The following ADAM23 variants were observed in gnomAD, a reference collection of about 807,000 sequenced individuals.
ADAM23 encodes the protein ADAM metallopeptidase domain 23.
ADAM23 carries 33 observed loss-of-function variants against 120.1 expected under a neutral mutation model. The observed-to-expected ratio is 0.27, with a 90% CI of 0.21 to 0.37. The LOEUF is 0.37. Among genes scored for constraint, ADAM23 ranks in the 10% least tolerant of loss-of-function variants. The pLI, the probability that ADAM23 is intolerant of heterozygous loss-of-function variation, is 1.00. For synonymous variants in ADAM23, 367 were observed against 375.2 expected, an observed-to-expected ratio of 0.98 and a Z score of 0.25; for missense variants, 862 against 1,058.2, an observed-to-expected ratio of 0.81 and a Z score of 2.57.
rs761588867 is a variant in ADAM23, at chr2:206,562,257, C to T, written c.1309C>T (p.Leu437Phe). Residue 437 changes from leucine to phenylalanine, a missense_variant, in exon 13 of 26, where the codon CTT becomes TTT. By Grantham distance (22) the Leu-to-Phe change is conservative. Around this residue, in one of 4 missense-constraint regions of ADAM23, gnomAD observed 617 missense variants for 813.5 expected, o/e 0.76. Coordinates refer to ENST00000264377, the MANE Select transcript of ADAM23 (RefSeq NM_003812.4). ...ATTATCGCAGAGCCTGGCTCAAAAC[C>T]TTGGAATCCAATGGGAACCTTCTAG... ...QVLSQSLAQN[L>F]GIQWEPSSRK... The T allele has an allele frequency of 1.9e-6, 3 of 1,614,042 alleles. No homozygotes were observed. The highest frequency in any genetic ancestry group is 2.5e-6 in the Non-Finnish European group (3 of 1,179,952).
At chr2:206,567,498 C>CA (rs1439804664) in intron 15 of ADAM23, among the ~76,000 whole-genome samples, 176 bp downstream of exon 15, 1 of 152,150 alleles carries the variant, frequency 6.6e-6, no homozygotes, top group Non-Finnish European at 1.5e-5. Context: ...AAATGAATGA[C>CA]AAAACCATAG....
chr2:206,464,131 G>C (rs1695489217), intron 2 of ADAM23, among the ~76,000 whole-genome samples: 1 of 152,138 alleles, frequency 6.6e-6, no homozygotes, highest in Non-Finnish European at 1.5e-5. Context: ...AGGCTTGTAT[G>C]GCTATATATT....
chr2:206,503,914 T>C (rs757007218), intron 3 of ADAM23, among the ~76,000 whole-genome samples: 1 of 152,192 alleles, frequency 6.6e-6, no homozygotes, highest in Non-Finnish European at 1.5e-5. Context: ...ACGTAAATTT[T>C]GACCTAATTT....
intron 18 of ADAM23, among the ~76,000 whole-genome samples, chr2:206,582,468 G>C (rs1307124731): frequency 6.6e-6 from 1 of 152,096 alleles, no homozygotes; most frequent in Non-Finnish European, 1.5e-5. Flanking sequence ...GGCAGCAGAT[G>C]GTTGGTGAGT....
chr2:206,517,991 G>A (rs1174263033), intron 3 of ADAM23, among the ~76,000 whole-genome samples: 1 of 152,252 alleles, frequency 6.6e-6, no homozygotes, highest in East Asian at 1.9e-4. Context: ...TCTTACAAAG[G>A]TTTTGCTTTT....
At chr2:206,571,335 C>T (rs1214948437) in intron 16 of ADAM23, among the ~76,000 whole-genome samples, 1 of 151,970 alleles carries the variant, frequency 6.6e-6, no homozygotes, top group Non-Finnish European at 1.5e-5. Flanking sequence ...ATTAGCCGGG[C>T]GCGGTGGCGG....
chr2:206,535,105 T>C (rs748112489), intron 4 of ADAM23, among the ~76,000 whole-genome samples: 4 of 152,054 alleles, frequency 2.6e-5, no homozygotes, highest in South Asian at 2.1e-4. Context: ...CCTGGGTGGG[T>C]AAGGCTAGCT....
intron 2 of ADAM23, among the ~76,000 whole-genome samples, chr2:206,477,282 G>A (rs1057042693): frequency 6.6e-6 from 1 of 152,168 alleles, no homozygotes; most frequent in African/African-American, 2.4e-5. Context: ...TTGCTAAGAC[G>A]TGTAAACTGT....
intron 2 of ADAM23, among the ~76,000 whole-genome samples, chr2:206,459,193 G>A (rs576444455): frequency 3.9e-5 from 6 of 152,314 alleles, no homozygotes; most frequent in East Asian, 1.9e-4. Context: ...ATTTATCACC[G>A]TTGGGCTGCA....
intron 3 of ADAM23, among the ~76,000 whole-genome samples, chr2:206,502,855 T>C (rs1337976028): frequency 1.3e-5 from 2 of 152,194 alleles, no homozygotes; most frequent in African/African-American, 4.8e-5. Context: ...GGTCTGTCTG[T>C]AAACCTGTGT....
intron 21 of ADAM23, among the ~76,000 whole-genome samples, chr2:206,589,875 T>G (rs1381347209): frequency 6.6e-6 from 1 of 152,200 alleles, no homozygotes; most frequent in Non-Finnish European, 1.5e-5. Flanking sequence ...ATACATGTAG[T>G]TTAAATGCAA....
intron 21 of ADAM23, among the ~76,000 whole-genome samples, chr2:206,591,386 C>A (rs1277752091): frequency 6.6e-6 from 1 of 152,140 alleles, no homozygotes; most frequent in African/African-American, 2.4e-5. Context: ...GTTTTCATCC[C>A]TAATGCTTCA....
At chr2:206,455,899 C>T (rs1309084899) in intron 2 of ADAM23, among the ~76,000 whole-genome samples, 1 of 152,106 alleles carries the variant, frequency 6.6e-6, no homozygotes, top group Non-Finnish European at 1.5e-5. Flanking sequence ...TAAAATCATT[C>T]GAGAGGTCTG....
At chr2:206,560,238 C>G (rs1320811054) in intron 11 of ADAM23, 120 bp downstream of exon 11, 27 of 1,071,704 alleles carry the variant, frequency 2.5e-5, no homozygotes, top group Non-Finnish European at 3.1e-5. Context: ...TCTGTGGGTT[C>G]CTTTGTCTGT....
In ADAM23 at chr2:206,519,108, C is replaced by A. The variant is rs1428274986; in HGVS notation, c.510-11777C>A. Among the ~76,000 whole-genome samples the A allele has an allele frequency of 2.6e-5, 4 of 152,244 alleles. No homozygotes were observed. The East Asian group carries it at 7.7e-4, about 29-fold the overall frequency. On this transcript the variant is annotated intron_variant, in intron 3 of 25. Transcript: ENST00000264377. The stretch of plus-strand genomic sequence containing the variant: ...AAGACTAGTTGGACAATGTTAGTTA[C>A]TTCTCTGAGATCTCAGAGATGGTCA...
Position 206,619,517 on chromosome 2 carries a change from C to G in ADAM23, c.*1890C>G, listed in dbSNP as rs1199673146. The G allele has an allele frequency of 1.3e-5, 2 of 150,646 alleles. No individual in the cohort carries two copies. The highest frequency in any genetic ancestry group is 3.0e-5 in the Non-Finnish European group (2 of 67,714). 9.3% of individuals were successfully genotyped at this position (150,646 alleles called of 1,614,324 possible). A position where few individuals can be genotyped will look rare whatever the true frequency, so the allele number is the denominator to read the frequency against. ...GCCCCTACTTCTCTAATGCCCCCCC[C>G]CTTTTTTTTTTAGGAAAAGAACATG... On this transcript the variant is annotated 3_prime_UTR_variant, in exon 26 of 26. Coordinates refer to ENST00000264377, the MANE Select transcript of ADAM23 (RefSeq NM_003812.4).
At chr2:206,597,023 T>C (rs1425514040) in intron 24 of ADAM23, among the ~76,000 whole-genome samples, 2 of 147,540 alleles carry the variant, frequency 1.4e-5, no homozygotes, top group African/African-American at 5.0e-5. Flanking sequence ...CCTGCCACCA[T>C]GCCTGGCTAA....
chr2:206,452,145 A>C (rs1559212824), intron 2 of ADAM23, among the ~76,000 whole-genome samples: 2 of 152,216 alleles, frequency 1.3e-5, no homozygotes, highest in Non-Finnish European at 2.9e-5. Flanking sequence ...TTTAGATAGG[A>C]TGACACATGC....
At chr2:206,604,852 T>C (rs1406892276) in intron 24 of ADAM23, among the ~76,000 whole-genome samples, 1 of 152,192 alleles carries the variant, frequency 6.6e-6, no homozygotes, top group Non-Finnish European at 1.5e-5. Flanking sequence ...ATCTCTGTTT[T>C]CATGGGAAAG....
Sources: gnomAD v4.1 joint callset for allele counts (sites outside exome capture counted in the v4.1 genomes callset) on GRCh38, gnomAD v4.1.1 for gene constraint, gnomAD v4.1.1 regional missense constraint, MANE v1.5 for transcripts, NCBI Gene and HGNC (gene_info 2026-07-23, HGNC 2026-07-21) for gene names.